TTC29: variants seen among roughly 807,000 people sequenced by gnomAD.
TTC29 encodes tetratricopeptide repeat protein 29.
TTC29 carries 49 observed loss-of-function variants against 58.1 expected under a neutral mutation model. The observed-to-expected ratio is 0.84, with a 90% CI of 0.67 to 1.07. The LOEUF (loss-of-function observed/expected upper bound fraction) is 1.07. Among genes scored for constraint, TTC29 ranks in the 50% least tolerant of loss-of-function variants. The pLI is 0.00. For missense variants in TTC29, 582 were observed against 555.6 expected (o/e 1.05, Z -0.48); for synonymous variants, 209 against 196.8 (o/e 1.06, Z -0.52).
Position 146,937,604 on chromosome 4 carries a change from C to T in TTC29, c.166G>A (p.Glu56Lys), listed in dbSNP as rs868213855. The T allele has an allele frequency of 6.5e-7, 1 of 1,529,846 alleles. No homozygotes were observed. The highest frequency in any genetic ancestry group is 8.8e-7 in the Non-Finnish European group (1 of 1,134,138). 94.8% of individuals were successfully genotyped at this position (1,529,846 alleles called of 1,614,324 possible). ...AAAGGTTGTACTTACGCAGCAACTT[C>T]CTCTTTTGATAATCCTTTGAAATTT... ...EVNFKGLSKEEVAAYRNSYKK... is the reference protein window; with the variant it reads ...EVNFKGLSKEKVAAYRNSYKK... Residue 56 changes from glutamate to lysine, a missense_variant, in exon 4 of 13, where the codon GAA becomes AAA. Transcript: ENST00000325106.
intron 7 of TTC29, 116 bp downstream of exon 7, chr4:146,874,600 C>T: frequency 1.2e-6 from 1 of 832,818 alleles, no homozygotes; most frequent in South Asian, 1.8e-5. Context: ...TGGCATTTGT[C>T]TTTGCATTTC....
chr4:146,840,750 G>C (rs780175752), intron 8 of TTC29, among the ~76,000 whole-genome samples: 1 of 152,074 alleles, frequency 6.6e-6, no homozygotes, highest in Non-Finnish European at 1.5e-5. Context: ...ATACAACCAG[G>C]AGAAGCTTCA....
rs373283697 is a variant in TTC29 at position 146,867,584 on chromosome 4, C to T, written c.800-1G>A. ...TCCGCTTCCATCTTTTTGTCACTTCCTGAAGTGAAGATGTAAAAAAATTAC... is the reference window on the plus strand; with the variant it reads ...TCCGCTTCCATCTTTTTGTCACTTCTTGAAGTGAAGATGTAAAAAAATTAC... On this transcript the variant is annotated splice_acceptor_variant, in intron 7 of 12. Transcript: ENST00000325106. LOFTEE classifies it high-confidence loss of function. 3.7e-4 allele frequency: 543 copies of T among 1,463,458 alleles called. 1 individual carries two copies. Among genetic ancestry groups the T allele is most frequent in the Non-Finnish European group, 4.7e-4 (513 of 1,087,278 alleles). The allele number at this position is 1,463,458 out of a possible 1,614,324, so 90.7% of individuals were successfully genotyped here.
chr4:146,939,553 A>T (rs1736168017), intron 3 of TTC29, among the ~76,000 whole-genome samples: 2 of 152,188 alleles, frequency 1.3e-5, no homozygotes, highest in Admixed American at 1.3e-4. Context: ...ACTCTACGGG[A>T]ACCATGATAT....
chr4:146,844,584 T>C (rs1729048417), intron 8 of TTC29, among the ~76,000 whole-genome samples: 1 of 152,160 alleles, frequency 6.6e-6, no homozygotes, highest in African/African-American at 2.4e-5. Flanking sequence ...TTTTGTCATG[T>C]TGCTTACGCT....
chr4:146,810,591 T>C (rs1002082378), intron 10 of TTC29, among the ~76,000 whole-genome samples: 3 of 127,114 alleles, frequency 2.4e-5, no homozygotes, highest in African/African-American at 8.6e-5. Flanking sequence ...ATACCTTCTT[T>C]TTTTTTTTTT....
At position 146,926,952 on chromosome 4, in the gene TTC29, C is replaced by T. The variant is rs568462901; in HGVS notation, c.176+10642G>A. On this transcript the variant is annotated intron_variant, in intron 4 of 12. Transcript: ENST00000325106. ...CATTAAGAAAAAATACAAAAATTAG[C>T]TGAGTGTGGTGGTGCACACCTGTAA... is the stretch of plus-strand genomic sequence containing the variant. Among the ~76,000 whole-genome samples the T allele has an allele frequency of 2.0e-5, 3 of 151,880 alleles. No individual in the cohort carries two copies. The East Asian group carries it at 5.8e-4, about 30-fold the overall frequency.
intron 8 of TTC29, among the ~76,000 whole-genome samples, chr4:146,864,915 A>AT (rs35568981): frequency 0.29 from 42,040 of 146,594 alleles, 6,078 homozygotes; most frequent in South Asian, 0.43. Flanking sequence ...TAGGAAGTAG[A>AT]TTTTTTTTTT....
At chr4:146,894,542 A>AG (rs1335446262) in intron 6 of TTC29, among the ~76,000 whole-genome samples, 2 of 63,712 alleles carry the variant, frequency 3.1e-5, no homozygotes, top group African/African-American at 1.3e-4. Flanking sequence ...GGGTTGGGGG[A>AG]GGGGGGAGGG....
intron 10 of TTC29, among the ~76,000 whole-genome samples, chr4:146,810,366 T>C (rs886313777): frequency 6.6e-6 from 1 of 152,084 alleles, no homozygotes; most frequent in Non-Finnish European, 1.5e-5. Context: ...AACAAACCTG[T>C]ATGTTCTGCA....
chr4:146,942,746 T>A (rs566037165), intron 2 of TTC29: 2 of 828,292 alleles, frequency 2.4e-6, no homozygotes. Flanking sequence ...GGGCATTCCA[T>A]CCTCTATAAA....
intron 4 of TTC29, chr4:146,934,304 A>G (rs897448815): frequency 5.3e-5 from 8 of 152,256 alleles, no homozygotes; most frequent in Admixed American, 3.3e-4. Context: ...GATCGGGCAT[A>G]CTGATGGATT....
At chr4:146,868,663 T>C (rs1730725073) in intron 7 of TTC29, among the ~76,000 whole-genome samples, 1 of 152,190 alleles carries the variant, frequency 6.6e-6, no homozygotes, top group South Asian at 2.1e-4. Context: ...AACTTGCTTA[T>C]ATTTAGTATA....
At chr4:146,786,539 G>A (rs1469890590) in intron 11 of TTC29, among the ~76,000 whole-genome samples, 1 of 152,100 alleles carries the variant, frequency 6.6e-6, no homozygotes, top group Non-Finnish European at 1.5e-5. Flanking sequence ...AAACCTCAAG[G>A]CAGTCTCATA....
At chr4:146,916,822 G>A (rs1197144860) in intron 4 of TTC29, among the ~76,000 whole-genome samples, 1 of 151,184 alleles carries the variant, frequency 6.6e-6, no homozygotes, top group Non-Finnish European at 1.5e-5. Flanking sequence ...TCATCCATCT[G>A]GTAACAGCAA....
At chr4:146,930,414 A>G (rs1735251446) in intron 4 of TTC29, among the ~76,000 whole-genome samples, 1 of 152,142 alleles carries the variant, frequency 6.6e-6, no homozygotes, top group Non-Finnish European at 1.5e-5. Flanking sequence ...GCTTCCCAGA[A>G]AAGTCCCTGG....
At chr4:146,911,482 T>C (rs1438867955) in intron 4 of TTC29, among the ~76,000 whole-genome samples, 4 of 152,188 alleles carry the variant, frequency 2.6e-5, no homozygotes, top group Admixed American at 2.0e-4. Flanking sequence ...GATGGACACA[T>C]GTAAAGGACT....
chr4:146,919,770 T>C (rs1175163343), intron 4 of TTC29, among the ~76,000 whole-genome samples: 1 of 151,188 alleles, frequency 6.6e-6, no homozygotes, highest in Non-Finnish European at 1.5e-5. Flanking sequence ...TACACAGCAT[T>C]ATAAATAAAA....
intron 4 of TTC29, among the ~76,000 whole-genome samples, chr4:146,924,445 A>G (rs1734791672): frequency 6.6e-6 from 1 of 151,790 alleles, no homozygotes; most frequent in Admixed American, 6.6e-5. Flanking sequence ...ATAAATATAA[A>G]TCTCTTCTGT....
Sources: allele counts gnomAD v4.1 joint callset (sites outside exome capture counted in the v4.1 genomes callset), GRCh38; gene constraint gnomAD v4.1.1; transcripts MANE v1.5; gene names NCBI Gene and HGNC (gene_info 2026-07-23, HGNC 2026-07-21).